The following MTA3 variants were observed in gnomAD, a reference collection of about 807,000 sequenced individuals.
MTA3 encodes the protein metastasis-associated protein MTA3.
MTA3 carries 34 observed loss-of-function variants against 83.5 expected under a neutral mutation model. That is an observed-to-expected ratio of 0.41 (90% CI 0.31 to 0.54). The LOEUF (loss-of-function observed/expected upper bound fraction) is 0.54, where lower values mean the gene tolerates loss of function less well. MTA3 is among the 20% of genes least tolerant of loss of function. The probability of loss-of-function intolerance (pLI) is 0.33; values close to 1 mark genes in which losing one functional copy is unlikely to be tolerated. For missense variants in MTA3, 761 were observed against 726.4 expected (o/e 1.05, Z -0.55); for synonymous variants, 303 against 252.7 (o/e 1.20, Z -1.89).
Position 42,636,355 on chromosome 2 carries a change from C to T in MTA3, c.318-3818C>T, listed in dbSNP as rs537902477. Among the ~76,000 whole-genome samples, 37 of 152,050 alleles carry T rather than the reference C, an allele frequency of 2.4e-4. No individual in the cohort carries two copies. The South Asian group carries it at 5.0e-3, about 21-fold the overall frequency. ...GGGAGTTTGAGAGCAGCCTGGGAAA[C>T]ATAGCAAAACTCTATCTCTACAAAG... On this transcript the variant is annotated intron_variant, in intron 4 of 16. Coordinates refer to ENST00000405094, the MANE Select transcript of MTA3 (RefSeq NM_001330442.2).
chr2:42,523,329 C>T (rs561684513), intron 2 of MTA3, among the ~76,000 whole-genome samples: 1 of 152,184 alleles, frequency 6.6e-6, no homozygotes, highest in Admixed American at 6.6e-5. Flanking sequence ...AAGGTATGGC[C>T]AAGTACTAAG....
chr2:42,671,862 A>G (rs529511261), intron 8 of MTA3, among the ~76,000 whole-genome samples: 1 of 152,296 alleles, frequency 6.6e-6, no homozygotes, highest in East Asian at 1.9e-4. Flanking sequence ...GACTCTGGCA[A>G]CATCAAGGTC....
chr2:42,564,356 A>G (rs1677813476), upstream of MTA3, among the ~76,000 whole-genome samples: 1 of 152,202 alleles, frequency 6.6e-6, no homozygotes, highest in Non-Finnish European at 1.5e-5. Flanking sequence ...GCCCGAAACC[A>G]AGACCTTTAG....
intron 3 of MTA3, among the ~76,000 whole-genome samples, chr2:42,594,728 A>ATATTTTTTTTTTTTTT: frequency 1.2e-4 from 3 of 24,044 alleles, no homozygotes; most frequent in Non-Finnish European, 1.9e-4. Flanking sequence ...ATATATATAT[A>ATATTTTTTTTTTTTTT]TTTTTTTTTT....
At chr2:42,711,783 AGTGT>A (rs763894802) in intron 14 of MTA3, among the ~76,000 whole-genome samples, 18 of 147,732 alleles carry the variant, frequency 1.2e-4, no homozygotes, top group East Asian at 9.9e-4. Context: ...AGAGAGAGAG[AGTGT>A]GTGTGTGTGT....
chr2:42,732,652 G>A (rs1668313001), intron 16 of MTA3, among the ~76,000 whole-genome samples: 1 of 152,150 alleles, frequency 6.6e-6, no homozygotes, highest in Non-Finnish European at 1.5e-5. Flanking sequence ...CCCAGAAAAT[G>A]GGTTTTTCTT....
intron 2 of MTA3, among the ~76,000 whole-genome samples, chr2:42,526,300 A>G (rs1023099030): frequency 6.6e-6 from 1 of 152,134 alleles, no homozygotes; most frequent in Non-Finnish European, 1.5e-5. Context: ...CCTGTGCTCA[A>G]GCAAGACTCC....
chr2:42,720,951 C>CAAAAA (rs377702701), intron 15 of MTA3, among the ~76,000 whole-genome samples: 423 of 67,490 alleles, frequency 6.3e-3, no homozygotes, highest in East Asian at 0.012. Flanking sequence ...GACCCTGTCT[C>CAAAAA]AAAAAAAAAA....
At chr2:42,722,420 C>T (rs2104541753) in intron 15 of MTA3, among the ~76,000 whole-genome samples, 1 of 152,290 alleles carries the variant, frequency 6.6e-6, no homozygotes, top group Non-Finnish European at 1.5e-5. Context: ...TGGTCCCATA[C>T]TCTGTCTGGT....
chr2:42,619,939 C>G (rs912644525), intron 4 of MTA3, among the ~76,000 whole-genome samples: 1 of 152,110 alleles, frequency 6.6e-6, no homozygotes, highest in East Asian at 1.9e-4. Context: ...GCAAGTTCTA[C>G]TTAAGAATGT....
At chr2:42,574,308 G>T (rs1392830242) in intron 2 of MTA3, among the ~76,000 whole-genome samples, 1 of 150,150 alleles carries the variant, frequency 6.7e-6, no homozygotes, top group African/African-American at 2.5e-5. Context: ...CTAATTTTTA[G>T]CAGAGATGGG....
chr2:42,625,656 A>T (rs1686001369), intron 4 of MTA3, among the ~76,000 whole-genome samples: 1 of 148,364 alleles, frequency 6.7e-6, no homozygotes, highest in African/African-American at 2.5e-5. Context: ...CTGAGGTAGG[A>T]GAATGTCGTG....
At chr2:42,551,738 G>A (rs933515593) in intron 2 of MTA3, among the ~76,000 whole-genome samples, 9 of 151,720 alleles carry the variant, frequency 5.9e-5, no homozygotes, top group African/African-American at 2.2e-4. Flanking sequence ...CACTGAGGAG[G>A]TAATTTTTTT....
At chr2:42,613,338 T>C (rs952613835) in intron 4 of MTA3, among the ~76,000 whole-genome samples, 2 of 152,194 alleles carry the variant, frequency 1.3e-5, no homozygotes, top group African/African-American at 4.8e-5. Context: ...TTTGTTTTTT[T>C]CCAAATTGAG....
intron 3 of MTA3, among the ~76,000 whole-genome samples, chr2:42,586,992 C>T (rs1440181746): frequency 6.6e-6 from 1 of 152,042 alleles, no homozygotes; most frequent in Non-Finnish European, 1.5e-5. Context: ...CACTGCACTC[C>T]AGCCTGGTGA....
At chr2:42,588,689 T>C (rs1680618892) in intron 3 of MTA3, among the ~76,000 whole-genome samples, 1 of 152,154 alleles carries the variant, frequency 6.6e-6, no homozygotes, top group Non-Finnish European at 1.5e-5. Flanking sequence ...ACTATTCACC[T>C]ATCCCTATAG....
chr2:42,611,979 T>C (rs1297291978), intron 4 of MTA3, among the ~76,000 whole-genome samples: 1 of 152,174 alleles, frequency 6.6e-6, no homozygotes, highest in Non-Finnish European at 1.5e-5. Context: ...TTAGGATTTT[T>C]ATTAGGGGGC....
At chr2:42,695,565 G>A (rs552358870) in intron 9 of MTA3, among the ~76,000 whole-genome samples, 200 bp from the exon 10 acceptor site, 1 of 148,540 alleles carries the variant, frequency 6.7e-6, no homozygotes, top group East Asian at 2.0e-4. Flanking sequence ...AACCCAGGAA[G>A]CGGAGGTTGC....
At chr2:42,618,669 G>A (rs1468480565) in intron 4 of MTA3, among the ~76,000 whole-genome samples, 2 of 152,058 alleles carry the variant, frequency 1.3e-5, no homozygotes, top group Admixed American at 6.6e-5. Flanking sequence ...GTGCAGTGGC[G>A]TGAACATAGC....
Sources: gnomAD v4.1 joint callset for allele counts (sites outside exome capture counted in the v4.1 genomes callset) on GRCh38, gnomAD v4.1.1 for gene constraint, MANE v1.5 for transcripts, NCBI Gene and HGNC (gene_info 2026-07-23, HGNC 2026-07-21) for gene names.